FHIT: variants seen among roughly 807,000 people sequenced by gnomAD.
The protein encoded by FHIT is fragile histidine triad diadenosine triphosphatase.
FHIT carries 19 observed loss-of-function variants against 17.9 expected under a neutral mutation model. That is an observed-to-expected ratio of 1.06 (90% CI 0.74 to 1.56). The LOEUF (loss-of-function observed/expected upper bound fraction) is 1.56. FHIT is among the 40% of genes most tolerant of loss of function. The probability of loss-of-function intolerance (pLI) is 0.00; values close to 1 mark genes in which losing one functional copy is unlikely to be tolerated. For missense variants in FHIT, 248 were observed against 189.2 expected (o/e 1.31, Z -1.82); for synonymous variants, 81 against 69.7 (o/e 1.16, Z -0.81).
chr3:60,204,079 T>A (rs974398281), intron 5 of FHIT, among the ~76,000 whole-genome samples: 10 of 152,164 alleles, frequency 6.6e-5, no homozygotes, highest in African/African-American at 2.4e-4. Context: ...TAAAAGAGTA[T>A]AATTGGATTG....
intron 1 of FHIT, among the ~76,000 whole-genome samples, chr3:61,224,859 C>A (rs2039929736): frequency 6.6e-6 from 1 of 152,324 alleles, no homozygotes; most frequent in African/African-American, 2.4e-5. Flanking sequence ...GATGGACACA[C>A]ACACACACAT....
chr3:61,210,022 C>A (rs894150785), intron 1 of FHIT, among the ~76,000 whole-genome samples: 48 of 152,290 alleles, frequency 3.2e-4, no homozygotes, highest in African/African-American at 1.1e-3. Context: ...GTTAGTTTTC[C>A]TTCTAACAGT....
chr3:60,765,423 A>G (rs1553721137), intron 4 of FHIT: 1 of 152,216 alleles, frequency 6.6e-6, no homozygotes, highest in East Asian at 1.9e-4. Flanking sequence ...GACACATTTC[A>G]TCAAAAATGA....
intron 5 of FHIT, among the ~76,000 whole-genome samples, chr3:60,329,147 T>C (rs1435249541): frequency 6.6e-6 from 1 of 152,226 alleles, no homozygotes; most frequent in Non-Finnish European, 1.5e-5. Flanking sequence ...ATTAGAAGAA[T>C]AGACTGTTCA....
chr3:61,240,156 T>C (rs1215878726), intron 1 of FHIT, among the ~76,000 whole-genome samples: 3 of 152,156 alleles, frequency 2.0e-5, no homozygotes, highest in Non-Finnish European at 2.9e-5. Flanking sequence ...GCCTCAGCTG[T>C]AGATTTTTCT....
intron 4 of FHIT, among the ~76,000 whole-genome samples, chr3:60,752,415 G>C (rs2108034320): frequency 6.6e-6 from 1 of 152,292 alleles, no homozygotes; most frequent in African/African-American, 2.4e-5. Flanking sequence ...ATGAAACTAA[G>C]GCTTCTGTGC....
At chr3:60,880,552 G>A (rs1349091293) in intron 3 of FHIT, among the ~76,000 whole-genome samples, 2 of 152,178 alleles carry the variant, frequency 1.3e-5, no homozygotes, top group Non-Finnish European at 2.9e-5. Flanking sequence ...GACTAACATG[G>A]AGAAATCCTG....
intron 3 of FHIT, among the ~76,000 whole-genome samples, chr3:61,037,475 T>G (rs2033314139): frequency 6.6e-6 from 1 of 152,200 alleles, no homozygotes; most frequent in Non-Finnish European, 1.5e-5. Flanking sequence ...TGTTAACAAT[T>G]ATGTGTTTAA....
chr3:60,659,551 T>C (rs1035796150), intron 4 of FHIT, among the ~76,000 whole-genome samples: 1 of 152,176 alleles, frequency 6.6e-6, no homozygotes, highest in East Asian at 1.9e-4. Context: ...AATATGCCTT[T>C]GAATATCTCC....
At chr3:61,153,386 G>A (rs1043541945) in intron 2 of FHIT, among the ~76,000 whole-genome samples, 2 of 152,130 alleles carry the variant, frequency 1.3e-5, no homozygotes, top group African/African-American at 4.8e-5. Flanking sequence ...TCTTTAAATA[G>A]AGGAAATACA....
At chr3:61,147,234 T>A (rs575822991) in intron 2 of FHIT, among the ~76,000 whole-genome samples, 2 of 152,122 alleles carry the variant, frequency 1.3e-5, no homozygotes, top group East Asian at 3.9e-4. Flanking sequence ...GGCAAAACGT[T>A]CTGTTGAGGC....
In FHIT at chr3:60,182,893, G is replaced by A. The variant is rs1238666775; in HGVS notation, c.104-168741C>T. On this transcript the variant is annotated intron_variant, in intron 5 of 9. Coordinates refer to ENST00000492590, the MANE Select transcript of FHIT (RefSeq NM_002012.4). ...AGTGTGTAAAAAGCAGAAAAACAAA[G>A]TCAAAAAATAATGGAGGGTTAAAAA... Among the ~76,000 whole-genome samples, 3 of 143,840 alleles carry A rather than the reference G, an allele frequency of 2.1e-5. No individual in the cohort carries two copies. The East Asian group carries it at 6.0e-4, about 29-fold the overall frequency. 94.4% of individuals were successfully genotyped at this position (143,840 alleles called of 152,430 possible). A position where few individuals can be genotyped will look rare whatever the true frequency, so the allele number is the denominator to read the frequency against.
chr3:59,952,269 G>T (rs1195136040), intron 7 of FHIT, among the ~76,000 whole-genome samples: 4 of 152,144 alleles, frequency 2.6e-5, no homozygotes, highest in Non-Finnish European at 1.5e-5. Flanking sequence ...TGCCGAGTTT[G>T]TCTATAAGAC....
intron 2 of FHIT, among the ~76,000 whole-genome samples, chr3:61,172,035 G>C (rs1203463766): frequency 6.6e-6 from 1 of 152,140 alleles, no homozygotes; most frequent in African/African-American, 2.4e-5. Flanking sequence ...TTTTGCCTAG[G>C]GGTGGACCTA....
chr3:59,888,543 C>G (rs540545001), intron 8 of FHIT, among the ~76,000 whole-genome samples: 1 of 152,326 alleles, frequency 6.6e-6, no homozygotes, highest in African/African-American at 2.4e-5. Context: ...ATTCTCTTCA[C>G]TGTACAGTGA....
At chr3:61,134,816 C>A (rs1243151333) in intron 2 of FHIT, among the ~76,000 whole-genome samples, 1 of 152,102 alleles carries the variant, frequency 6.6e-6, no homozygotes, top group African/African-American at 2.4e-5. Flanking sequence ...CAGAGAAGTA[C>A]ACAGCTTGCC....
intron 5 of FHIT, among the ~76,000 whole-genome samples, chr3:60,467,500 A>G (rs1258720348): frequency 6.6e-6 from 1 of 151,892 alleles, no homozygotes; most frequent in African/African-American, 2.4e-5. Context: ...ACCATATCTC[A>G]TAGGTTTTGA....
chr3:60,079,405 T>G (rs1213704974), intron 5 of FHIT, among the ~76,000 whole-genome samples: 1 of 152,124 alleles, frequency 6.6e-6, no homozygotes, highest in East Asian at 1.9e-4. Context: ...GGGGGCTTCT[T>G]GAGAAGAGGG....
chr3:60,570,921 G>A (rs1194063946), intron 4 of FHIT, among the ~76,000 whole-genome samples: 1 of 151,908 alleles, frequency 6.6e-6, no homozygotes, highest in African/African-American at 2.4e-5. Context: ...GCTCTCAGAA[G>A]ACTGGCAAGC....
Sources: allele counts gnomAD v4.1 joint callset (sites outside exome capture counted in the v4.1 genomes callset), GRCh38; gene constraint gnomAD v4.1.1; transcripts MANE v1.5; gene names NCBI Gene and HGNC (gene_info 2026-07-23, HGNC 2026-07-21).